LOXHD1: variants seen among roughly 807,000 people sequenced by gnomAD.
LOXHD1 encodes lipoxygenase homology PLAT domains 1.
In LOXHD1, 205 loss-of-function variants were observed where a neutral mutation model predicts 248.2. The observed-to-expected ratio is 0.83, with a 90% CI of 0.74 to 0.93. The LOEUF (loss-of-function observed/expected upper bound fraction) is 0.93. Among genes scored for constraint, LOXHD1 ranks in the 40% least tolerant of loss-of-function variants. LOXHD1 has a pLI of 0.00. For missense variants in LOXHD1, 2,930 were observed against 2,971.6 expected (o/e 0.99, Z 0.33); for synonymous variants, 1,113 against 1,162.8 (o/e 0.96, Z 0.87).
intron 17 of LOXHD1, among the ~76,000 whole-genome samples, chr18:46,563,998 G>T (rs982309264): frequency 2.6e-5 from 4 of 152,146 alleles, no homozygotes; most frequent in Admixed American, 2.0e-4. Context: ...TTATCATAAG[G>T]CAGGTGATTC....
chr18:46,584,368 C>A (rs1353361012), intron 12 of LOXHD1, among the ~76,000 whole-genome samples: 1 of 151,896 alleles, frequency 6.6e-6, no homozygotes, highest in Admixed American at 6.6e-5. Flanking sequence ...CACAAAATAG[C>A]TAGAAGAAAT....
At chr18:46,586,995 C>T (rs975919849) in intron 12 of LOXHD1, among the ~76,000 whole-genome samples, 4 of 152,140 alleles carry the variant, frequency 2.6e-5, no homozygotes, top group South Asian at 2.1e-4. Context: ...AGGCAAAGAA[C>T]GACTGATTGT....
At chr18:46,635,346 C>G (rs906844687) in intron 4 of LOXHD1, among the ~76,000 whole-genome samples, 8 of 152,174 alleles carry the variant, frequency 5.3e-5, no homozygotes. Context: ...CCCCCACAAT[C>G]CCCACAATCA....
At chr18:46,641,571 G>A (rs1225192587) in intron 3 of LOXHD1, among the ~76,000 whole-genome samples, 2 of 152,136 alleles carry the variant, frequency 1.3e-5, no homozygotes, top group Non-Finnish European at 2.9e-5. Flanking sequence ...TCACCGATGA[G>A]GCACCATTTT....
In LOXHD1 at chr18:46,592,538, T is replaced by C; in HGVS notation, c.1478A>G (p.His493Arg). 5 of 1,551,682 alleles carry C rather than the reference T, an allele frequency of 3.2e-6. No homozygotes were observed. The highest frequency in any genetic ancestry group is 1.4e-5 in the African/African-American group (1 of 73,172). The change falls in exon 11 of 41, where the codon CAT becomes CGT. Residue 493 changes from histidine (H) to arginine (R), a missense_variant. His to Arg is a conservative substitution (Grantham distance 29, BLOSUM62 0). Transcript: ENST00000642948. ...LGRFYKIRVW[H>R]DKRSSGSGWH... is the part of the protein sequence containing the mutation. ...TCCAGAACCAGAACTCCTTTTATCA[T>C]GCCATACTCGAATCTTATAAAACCT...
Position 46,649,242 on chromosome 18 carries a change from T to C in LOXHD1, c.158A>G (p.Asp53Gly). 6.4e-7 allele frequency: 1 copy of C among 1,551,560 alleles called. No homozygotes were observed. The highest frequency in any genetic ancestry group is 1.4e-5 in the African/African-American group (1 of 73,062). Residue 53 changes from aspartate to glycine, a missense_variant, in exon 2 of 41, where the codon GAT becomes GGT. By Grantham distance (94) the Asp-to-Gly change is moderately conservative. Coordinates refer to ENST00000642948, the MANE Select transcript of LOXHD1 (RefSeq NM_001384474.1). ...GGCATCCGTCCCTGCACCGCGAACATCCCCCGTGGCTGTGACCACTTCATA... is the reference window on the plus strand; with the variant it reads ...GGCATCCGTCCCTGCACCGCGAACACCCCCCGTGGCTGTGACCACTTCATA... ...RVYEVVTATG[D>G]VRGAGTDANV...
chr18:46,576,263 C>A (rs1362236880), intron 14 of LOXHD1, among the ~76,000 whole-genome samples: 2 of 152,206 alleles, frequency 1.3e-5, no homozygotes, highest in Non-Finnish European at 1.5e-5. Flanking sequence ...GCCAGTCAGC[C>A]TCTGATCCAG....
intron 39 of LOXHD1, 108 bp from the exon 40 acceptor site, chr18:46,483,853 G>A: frequency 7.6e-7 from 1 of 1,322,282 alleles, no homozygotes; most frequent in Non-Finnish European, 1.0e-6. Context: ...GAACAGGGAT[G>A]GGATGGCAAG....
rs756448029 is a variant in LOXHD1 at position 46,505,977 on chromosome 18, G to A, written c.5739C>T (p.Asn1913=). 25 of 1,552,080 alleles carry A rather than the reference G, an allele frequency of 1.6e-5. 1 individual carries two copies. The highest frequency in any genetic ancestry group is 1.1e-4 in the African/African-American group (8 of 73,022). ...ANVFIIIFGE[N]GDSGTLALKQ... ...TCAGGGCCAGTGTCCCACTATCCCCGTTCTCCCCGAAGATGATGATGAACA... is the reference window on the plus strand; with the variant it reads ...TCAGGGCCAGTGTCCCACTATCCCCATTCTCCCCGAAGATGATGATGAACA... Residue 1913 remains asparagine (N), a synonymous_variant, in exon 37 of 41, where the codon AAC becomes AAT. Transcript: ENST00000642948.
At chr18:46,489,215 C>A in intron 37 of LOXHD1, 73 bp from the exon 38 acceptor site, 6 of 1,477,162 alleles carry the variant, frequency 4.1e-6, no homozygotes, top group Non-Finnish European at 5.5e-6. Context: ...TACATCCCCA[C>A]AACCCATTGG....
At chr18:46,570,192 C>T (rs114560013) in intron 15 of LOXHD1, among the ~76,000 whole-genome samples, 2,400 of 152,316 alleles carry the variant, frequency 0.016, 64 homozygotes, top group African/African-American at 0.055. Flanking sequence ...CTTGAAACCC[C>T]CTGCTCTTCA....
intron 21 of LOXHD1, among the ~76,000 whole-genome samples, chr18:46,549,273 G>C (rs1220454890): frequency 1.3e-5 from 2 of 152,246 alleles, no homozygotes; most frequent in African/African-American, 4.8e-5. Context: ...GCTTCTGTAA[G>C]CAGGAGGTTG....
At chr18:46,550,575 G>A (rs12953409) in intron 21 of LOXHD1, among the ~76,000 whole-genome samples, 18,299 of 57,376 alleles carry the variant, frequency 0.32, 1,498 homozygotes, top group Middle Eastern at 0.53. Flanking sequence ...GCGAGACTCC[G>A]TCTCAAAAAA....
chr18:46,610,329 C>G (rs1297578196), intron 6 of LOXHD1, among the ~76,000 whole-genome samples: 2 of 150,060 alleles, frequency 1.3e-5, no homozygotes, highest in African/African-American at 4.9e-5. Flanking sequence ...CTGTTCTCAC[C>G]CATAGGTGGG....
chr18:46,604,312 T>A, intron 6 of LOXHD1, 83 bp from the exon 7 acceptor site: 1 of 1,509,230 alleles, frequency 6.6e-7, no homozygotes, highest in Non-Finnish European at 9.0e-7. Flanking sequence ...TTCCAATCAC[T>A]TGAGTCTACT....
At chr18:46,629,905 A>C (rs935410729) in intron 4 of LOXHD1, among the ~76,000 whole-genome samples, 1 of 152,024 alleles carries the variant, frequency 6.6e-6, no homozygotes, top group Non-Finnish European at 1.5e-5. Flanking sequence ...GCATGCGCCC[A>C]GCCCACCTGC....
Position 46,560,333 on chromosome 18 carries a change from C to T in LOXHD1, c.2811G>A (p.Gln937=), listed in dbSNP as rs1395290856. 4 of 1,552,182 alleles carry T rather than the reference C, an allele frequency of 2.6e-6. No homozygotes were observed. The East Asian group carries it at 7.3e-5, about 28-fold the overall frequency. The change falls in exon 19 of 41, where the codon CAG becomes CAA. Residue 937 remains glutamine, a synonymous_variant. Transcript: ENST00000642948. ...TGCCCTTCCTCTTCTTCTTCTTCCTCTGCAGCTTGGCCTTCAGCCGCTCCT... is the reference window on the plus strand; with the variant it reads ...TGCCCTTCCTCTTCTTCTTCTTCCTTTGCAGCTTGGCCTTCAGCCGCTCCT... ...LKKERLKAKL[Q]RKKKKRKGSD...
At chr18:46,498,356 C>T (rs2143775791) in intron 37 of LOXHD1, among the ~76,000 whole-genome samples, 1 of 152,236 alleles carries the variant, frequency 6.6e-6, no homozygotes, top group South Asian at 2.1e-4. Flanking sequence ...ATATTGAGAC[C>T]CTAGGGAAGT....
At chr18:46,531,862 G>C (rs1332118401) in intron 28 of LOXHD1, among the ~76,000 whole-genome samples, 1 of 152,214 alleles carries the variant, frequency 6.6e-6, no homozygotes, top group Admixed American at 6.5e-5. Flanking sequence ...GTTATCCCCA[G>C]ATTTAATAGC....
Sources: gnomAD v4.1 joint callset for allele counts (sites outside exome capture counted in the v4.1 genomes callset) on GRCh38, gnomAD v4.1.1 for gene constraint, MANE v1.5 for transcripts, NCBI Gene and HGNC (gene_info 2026-07-23, HGNC 2026-07-21) for gene names.